The following NUP155 variants were observed in gnomAD, a reference collection of about 807,000 sequenced individuals.
The protein encoded by NUP155 is nucleoporin 155.
In NUP155, 71 loss-of-function variants were observed where a neutral mutation model predicts 180.4. The observed-to-expected ratio is 0.39, with a 90% CI of 0.33 to 0.48. The LOEUF is 0.48. NUP155 is among the 20% of genes least tolerant of loss of function. The pLI is 0.91. For missense variants in NUP155, 1,553 were observed against 1,648.9 expected, an observed-to-expected ratio of 0.94 and a Z score of 1.01; for synonymous variants, 582 against 559.5, an observed-to-expected ratio of 1.04 and a Z score of -0.57.
chr5:37,314,708 C>T (rs1056385994), intron 21 of NUP155, among the ~76,000 whole-genome samples: 6 of 151,930 alleles, frequency 3.9e-5, no homozygotes, highest in African/African-American at 1.5e-4. Context: ...GGGGGGATGG[C>T]GGGTGCCTGT....
rs539386395 is a variant in NUP155, at chr5:37,365,891, TA to T, written c.158-1508del. Among the ~76,000 whole-genome samples, 91 of 151,448 alleles carry T rather than the reference TA, an allele frequency of 6.0e-4. No homozygotes were observed. In the South Asian group the frequency reaches 0.018, roughly 30 times the overall value. ...TTTGCTAATCTGAAATGGGAAAATA[TA>T]AAACTGCTTTGGGGCTCAAAGGTAA... On this transcript the variant is annotated intron_variant, in intron 1 of 34. Coordinates refer to ENST00000231498, the MANE Select transcript of NUP155 (RefSeq NM_153485.3).
chr5:37,329,952 G>GC (rs1375029825), intron 15 of NUP155, 86 bp downstream of exon 15: 1 of 954,600 alleles, frequency 1.0e-6, no homozygotes, highest in African/African-American at 1.6e-5. Flanking sequence ...CAACTGTTTG[G>GC]CAAGGCTTTA....
Position 37,303,404 on chromosome 5 carries a change from G to A in NUP155, c.3173C>T (p.Pro1058Leu). ...LADKLLQVAS[P>L]FLEPHLVRMA... ...TCGGACTAGATGTGGCTCCAGAAAT[G>A]GAGAAGCAACCTAGAAATTATATAG... Residue 1058 changes from proline to leucine, a missense_variant, in exon 28 of 35, where the codon CCA (proline) becomes CTA (leucine). Coordinates refer to ENST00000231498, the MANE Select transcript of NUP155 (RefSeq NM_153485.3). The A allele has an allele frequency of 1.2e-6, 2 of 1,613,900 alleles. No homozygotes were observed. The highest frequency in any genetic ancestry group is 2.2e-5 in the East Asian group (1 of 44,866).
At chr5:37,364,479 G>T in intron 1 of NUP155, 95 bp from the exon 2 acceptor site, 1 of 1,024,278 alleles carries the variant, frequency 9.8e-7, no homozygotes, top group Non-Finnish European at 1.5e-6. Context: ...TTGTGTGTTG[G>T]TTCCAAAGGT....
intron 1 of NUP155, among the ~76,000 whole-genome samples, chr5:37,367,793 ATTTCT>A (rs1414967630): frequency 1.4e-5 from 2 of 141,352 alleles, no homozygotes; most frequent in African/African-American, 2.7e-5. Flanking sequence ...TGGGCCTCCC[ATTTCT>A]TTTGAGAAAG....
intron 1 of NUP155, among the ~76,000 whole-genome samples, chr5:37,364,713 T>C (rs1042201000): frequency 2.0e-5 from 3 of 151,764 alleles, no homozygotes; most frequent in African/African-American, 7.2e-5. Context: ...CTCGGCTCAC[T>C]GCAAGCTCCA....
At position 37,337,869 on chromosome 5, in the gene NUP155, C is replaced by A; in HGVS notation, c.1296G>T (p.Trp432Cys). 6.2e-7 allele frequency: 1 copy of A among 1,612,166 alleles called. No homozygotes were observed. The highest frequency in any genetic ancestry group is 8.5e-7 in the Non-Finnish European group (1 of 1,178,960). ...ASENEDNDIL[W>C]CVNHDTFPFQ... The stretch of plus-strand genomic sequence containing the variant: ...AAGGAAAAGTATCATGGTTGACACA[C>A]CATAAAATATCATTATCCTCATTTT... Residue 432 changes from tryptophan to cysteine, a missense_variant, in exon 12 of 35, where the codon TGG becomes TGT. Coordinates refer to ENST00000231498, the MANE Select transcript of NUP155 (RefSeq NM_153485.3).
chr5:37,346,980 C>T (rs1261461841), intron 9 of NUP155, among the ~76,000 whole-genome samples: 2 of 152,180 alleles, frequency 1.3e-5, no homozygotes, highest in Non-Finnish European at 2.9e-5. Context: ...GTAACCCCAG[C>T]ACTTTGGGAG....
At chr5:37,357,399 CAAAAAAAA>C (rs397997409) in intron 4 of NUP155, among the ~76,000 whole-genome samples, 554 of 31,308 alleles carry the variant, frequency 0.018, 8 homozygotes, top group African/African-American at 0.073. Flanking sequence ...ACCTTAATCT[CAAAAAAAA>C]AAAAAAAAAA....
chr5:37,364,675 C>T (rs1268636469), intron 1 of NUP155, among the ~76,000 whole-genome samples: 5 of 150,572 alleles, frequency 3.3e-5, no homozygotes, highest in South Asian at 2.1e-4. Context: ...CTCGCACTGT[C>T]GCCCAGGCTG....
Position 37,329,285 on chromosome 5 carries a change from T to C in NUP155, c.1725-7A>G. ...CTGTGCTTCACCACCATACCTATTT[T>C]TATGACAAGAGGTTGAGTTTATTCA... On this transcript the variant is annotated splice_region_variant and splice_polypyrimidine_tract_variant and intron_variant, in intron 15 of 34. Transcript: ENST00000231498. 1 of 1,609,270 alleles carries C rather than the reference T, an allele frequency of 6.2e-7. No homozygotes were observed. The highest frequency in any genetic ancestry group is 8.5e-7 in the Non-Finnish European group (1 of 1,175,680).
intron 10 of NUP155, 185 bp downstream of exon 10, chr5:37,342,364 C>T: frequency 1.8e-6 from 1 of 544,752 alleles, no homozygotes; most frequent in Non-Finnish European, 3.3e-6. Flanking sequence ...GGTTTTATAT[C>T]TATAAAATGA....
Position 37,358,072 on chromosome 5 carries a change from A to C in NUP155, c.463+9T>G. On this transcript the variant is annotated intron_variant, in intron 4 of 34. Transcript: ENST00000231498. ...AACATAATCTCTTCCTTATAGTTTT[A>C]TTTCTTACCTGCTTTTGGCTTCACA... is the stretch of plus-strand genomic sequence containing the variant. The C allele has an allele frequency of 6.3e-7, 1 of 1,594,340 alleles. No individual in the cohort carries two copies. Among genetic ancestry groups the C allele is most frequent in the Non-Finnish European group, 8.6e-7 (1 of 1,161,964 alleles).
At chr5:37,347,965 T>C (rs1746208009) in intron 9 of NUP155, among the ~76,000 whole-genome samples, 1 of 152,018 alleles carries the variant, frequency 6.6e-6, no homozygotes, top group South Asian at 2.1e-4. Context: ...TGAAACCCTG[T>C]CTCTACTAAA....
At chr5:37,365,708 G>GT in intron 1 of NUP155, among the ~76,000 whole-genome samples, 1 of 3,568 alleles carries the variant, frequency 2.8e-4, no homozygotes, top group Non-Finnish European at 1.7e-3. Context: ...ACTCTGTCTC[G>GT]GGGAGAAAAA....
rs1745131127 is a variant in NUP155, at chr5:37,333,734, C to T, written c.1348-101G>A. 13 of 763,540 alleles carry T rather than the reference C, an allele frequency of 1.7e-5. No individual in the cohort carries two copies. In the Middle Eastern group the frequency reaches 1.8e-3, roughly 108 times the overall value. The allele number at this position is 763,540 out of a possible 1,614,324, so 47.3% of individuals were successfully genotyped here. ...AAAGAAGTAAATTTAATAAATAGTACATTAACATGAATATTTTTGAAAGTA... is the reference window on the plus strand; with the variant it reads ...AAAGAAGTAAATTTAATAAATAGTATATTAACATGAATATTTTTGAAAGTA... On this transcript the variant is annotated intron_variant, in intron 12 of 34. Transcript: ENST00000231498.
intron 19 of NUP155, among the ~76,000 whole-genome samples, chr5:37,325,303 C>T (rs1161095896): frequency 6.6e-6 from 1 of 151,986 alleles, no homozygotes; most frequent in Non-Finnish European, 1.5e-5. Flanking sequence ...TTGAGTTATC[C>T]CTCATGACAA....
chr5:37,289,394 T>A lies in NUP155; in HGVS notation c.*2506A>T, dbSNP rs1742144896. ...TGGATAAATGCTACTCCAACTCTGA[T>A]CCACTGACTGCCAGGATCAGCATGA... On this transcript the variant is annotated 3_prime_UTR_variant, in exon 35 of 35. Transcript: ENST00000231498. 1 of 151,792 alleles carries A rather than the reference T, an allele frequency of 6.6e-6. No individual in the cohort carries two copies. Among genetic ancestry groups the A allele is most frequent in the Non-Finnish European group, 1.5e-5 (1 of 67,878 alleles). The allele number at this position is 151,792 out of a possible 1,614,324, so 9.4% of individuals were successfully genotyped here.
In NUP155 at chr5:37,307,447, A is replaced by G. The variant is rs202232521; in HGVS notation, c.2768-15T>C. Reference sequence around the variant, plus strand: ...ATAAAATCTCACTGATGGGAAAGAAAAGAATGAAGACCTATGACTTACTAC... The same window carrying G: ...ATAAAATCTCACTGATGGGAAAGAAGAGAATGAAGACCTATGACTTACTAC... On this transcript the variant is annotated splice_polypyrimidine_tract_variant and intron_variant, in intron 24 of 34. Coordinates refer to ENST00000231498, the MANE Select transcript of NUP155 (RefSeq NM_153485.3). 2.0e-5 allele frequency: 33 copies of G among 1,613,498 alleles called. 1 individual carries two copies. In the East Asian group the frequency reaches 7.4e-4, roughly 36 times the overall value.
Sources: gnomAD v4.1 joint callset for allele counts (sites outside exome capture counted in the v4.1 genomes callset) on GRCh38, gnomAD v4.1.1 for gene constraint, MANE v1.5 for transcripts, NCBI Gene and HGNC (gene_info 2026-07-23, HGNC 2026-07-21) for gene names.